Variants in TRPM2 observed in about 807,000 individuals in gnomAD.
The protein encoded by TRPM2 is transient receptor potential cation channel subfamily M member 2, also known as estrogen-responsive element-associated gene 1 protein.
TRPM2 carries 161 observed loss-of-function variants against 174.0 expected under a neutral mutation model. The ratio of observed to expected loss-of-function variants is 0.93; its 90% CI spans 0.81 to 1.05. The LOEUF is 1.05. Ranked by LOEUF, TRPM2 falls within the 50% of genes least tolerant of loss-of-function variation. The pLI, the probability that TRPM2 is intolerant of heterozygous loss-of-function variation, is 0.00. For missense variants in TRPM2, 2,057 were observed against 2,038.0 expected (o/e 1.01, Z -0.18); for synonymous variants, 954 against 861.3 (o/e 1.11, Z -1.88).
In TRPM2 at chr21:44,391,404, A is replaced by G; in HGVS notation, c.1573A>G (p.Asn525Asp). The change falls in exon 11 of 32, where the codon AAC (asparagine) becomes GAC (aspartate). Residue 525 changes from asparagine to aspartate, a missense_variant. Transcript: ENST00000397928. This position sits in a 1 kb window ranked among gnomAD's most constrained non-coding sequence, Gnocchi z 5.0. ...TWDTLLYLYENLDPSCLFHSK... is the reference protein window; with the variant it reads ...TWDTLLYLYEDLDPSCLFHSK... ...GGACACCTTGCTCTACCTGTACGAG[A>G]ACCTGGACCCCTCCTGCCTGTTCCA... 2 of 1,614,118 alleles carry G rather than the reference A, an allele frequency of 1.2e-6. No individual in the cohort carries two copies. The highest frequency in any genetic ancestry group is 8.5e-7 in the Non-Finnish European group (1 of 1,180,044).
Position 44,366,744 on chromosome 21 carries a change from T to C in TRPM2, c.424-10T>C. The C allele has an allele frequency of 2.5e-6, 4 of 1,613,832 alleles. No homozygotes were observed. The highest frequency in any genetic ancestry group is 3.4e-6 in the Non-Finnish European group (4 of 1,179,952). ...CACAGGTTCCCTCCGCCGTTTTCCC[T>C]TTCCCGCAGTACGTCCGAGTCTCCC... On this transcript the variant is annotated splice_polypyrimidine_tract_variant and intron_variant, in intron 3 of 31. Coordinates refer to ENST00000397928, the MANE Select transcript of TRPM2 (RefSeq NM_003307.4). The surrounding 1 kb of genome is among the most constrained non-coding windows in gnomAD (Gnocchi z 6.0).
In TRPM2 at chr21:44,366,233, G is replaced by T. The variant is rs1005812089; in HGVS notation, c.424-521G>T. ...CCCCAGGACGGGCCAGGGCACAGGGGCCACAGAGCAGAGGGGATAGGGCAG... is the reference window on the plus strand; with the variant it reads ...CCCCAGGACGGGCCAGGGCACAGGGTCCACAGAGCAGAGGGGATAGGGCAG... On this transcript the variant is annotated intron_variant, in intron 3 of 31. Coordinates refer to ENST00000397928, the MANE Select transcript of TRPM2 (RefSeq NM_003307.4). The surrounding 1 kb of genome is among the most constrained non-coding windows in gnomAD (Gnocchi z 6.0). Among the ~76,000 whole-genome samples the T allele has an allele frequency of 4.0e-5, 6 of 151,416 alleles. No individual in the cohort carries two copies. The highest frequency in any genetic ancestry group is 2.1e-4 in the South Asian group (1 of 4,784).
At position 44,366,434 on chromosome 21, in the gene TRPM2, C is replaced by T. The variant is rs1947280324; in HGVS notation, c.424-320C>T. On this transcript the variant is annotated intron_variant, in intron 3 of 31. Coordinates refer to ENST00000397928, the MANE Select transcript of TRPM2 (RefSeq NM_003307.4). The surrounding 1 kb of genome is among the most constrained non-coding windows in gnomAD (Gnocchi z 6.0). ...CGGCGGGAATTGGAGTCTGTGCTGGCGCATGTTTGGGAGGCGCTCCCAAAA... is the reference window on the plus strand; with the variant it reads ...CGGCGGGAATTGGAGTCTGTGCTGGTGCATGTTTGGGAGGCGCTCCCAAAA... Among the ~76,000 whole-genome samples the T allele has an allele frequency of 1.3e-5, 2 of 151,922 alleles. No individual in the cohort carries two copies. The highest frequency in any genetic ancestry group is 1.5e-5 in the Non-Finnish European group (1 of 67,982).
chr21:44,375,876 G>A lies in TRPM2; in HGVS notation c.815G>A (p.Gly272Glu). The A allele has an allele frequency of 1.2e-6, 2 of 1,614,012 alleles. No homozygotes were observed. Among genetic ancestry groups the A allele is most frequent in the Non-Finnish European group, 1.7e-6 (2 of 1,179,982 alleles). The change falls in exon 6 of 32, where the codon GGG (glycine) becomes GAG (glutamate). Residue 272 changes from glycine (G) to glutamate (E), a missense_variant. By Grantham distance (98) the Gly-to-Glu change is moderately conservative. Transcript: ENST00000397928. The part of the protein sequence containing the change: ...AEYILDEDGQ[G>E]NLTCLDSNHS... ...TACATACTGGATGAGGATGGCCAAG[G>A]GAACCTGACCTGCCTAGACAGCAAC... is the stretch of plus-strand genomic sequence containing the variant.
chr21:44,418,272 C>G (rs531479665), intron 21 of TRPM2, 151 bp from the exon 22 acceptor site: 1 of 1,353,542 alleles, frequency 7.4e-7, no homozygotes, highest in African/African-American at 1.5e-5. Context: ...GGGGGCTGAG[C>G]CCAGAGGCCC....
Position 44,357,264 on chromosome 21 carries a change from C to T in TRPM2, c.254+2528C>T, listed in dbSNP as rs532391873. On this transcript the variant is annotated intron_variant, in intron 2 of 31. Transcript: ENST00000397928. ...CCGTGGGTCTGGGGCCTCTGCCAGT[C>T]GGCTCTGCGTGCTTCTCACATGGAA... 3.9e-5 allele frequency among the ~76,000 whole-genome samples: 6 copies of T among 152,298 alleles called. No homozygotes were observed. The East Asian group carries it at 1.2e-3, about 29-fold the overall frequency.
rs1602209294 is a variant in TRPM2 at position 44,395,497 on chromosome 21, C to G, written c.1878C>G (p.Leu626=). 6.2e-7 allele frequency: 1 copy of G among 1,613,102 alleles called. No individual in the cohort carries two copies. Among genetic ancestry groups the G allele is most frequent in the Non-Finnish European group, 8.5e-7 (1 of 1,179,948 alleles). ...CCATGGACCCCATCCGTGACCTTCTCATTTGGGCCATTGTCCAGAACCGTC... is the reference window on the plus strand; with the variant it reads ...CCATGGACCCCATCCGTGACCTTCTGATTTGGGCCATTGTCCAGAACCGTC... The part of the protein sequence containing the change: ...TFTMDPIRDL[L]IWAIVQNRRE... Residue 626 remains leucine (L), a synonymous_variant, in exon 12 of 32, where the codon CTC becomes CTG. Transcript: ENST00000397928.
intron 19 of TRPM2, among the ~76,000 whole-genome samples, chr21:44,412,534 C>G (rs1231523706): frequency 6.6e-6 from 1 of 151,868 alleles, no homozygotes; most frequent in South Asian, 2.1e-4. Context: ...TTTTGTTGCT[C>G]TTTTTCAAGA....
intron 2 of TRPM2, among the ~76,000 whole-genome samples, chr21:44,359,419 G>C (rs889358312): frequency 6.6e-6 from 1 of 151,698 alleles, no homozygotes; most frequent in Admixed American, 6.6e-5. Flanking sequence ...GGATTTGTAG[G>C]GTGCACATCC....
intron 26 of TRPM2, 89 bp downstream of exon 26, chr21:44,426,825 C>T (rs2050803059): frequency 2.6e-6 from 4 of 1,532,070 alleles, no homozygotes; most frequent in Non-Finnish European, 3.6e-6. Context: ...CAGAGCCCAG[C>T]CCGGGGAGGT....
Position 44,417,951 on chromosome 21 carries a change from G to A in TRPM2, c.3171G>A (p.Glu1057=). ...MFNYTFQQVQ[E]HTDQIWKFQR... ...GCTACACCTTCCAGCAGGTGCAGGA[G>A]CACACGGACCAGATTTGGAAGTTCC... The change falls in exon 21 of 32, where the codon GAG becomes GAA. Residue 1057 remains glutamate (E), a synonymous_variant. Coordinates refer to ENST00000397928, the MANE Select transcript of TRPM2 (RefSeq NM_003307.4). 1.2e-6 allele frequency: 2 copies of A among 1,612,614 alleles called. No homozygotes were observed. Among genetic ancestry groups the A allele is most frequent in the Non-Finnish European group, 1.7e-6 (2 of 1,179,924 alleles).
In TRPM2 at chr21:44,413,885, C is replaced by T. The variant is rs187826857; in HGVS notation, c.2963-6C>T. ...TTGGCTCACCCACCCCCATTCCCAA[C>T]GCCAGGTGTGAACTTCAACCCGGAG... On this transcript the variant is annotated splice_polypyrimidine_tract_variant and splice_region_variant and intron_variant, in intron 19 of 31. Coordinates refer to ENST00000397928, the MANE Select transcript of TRPM2 (RefSeq NM_003307.4). 74 of 1,606,798 alleles carry T rather than the reference C, an allele frequency of 4.6e-5. No homozygotes were observed. Among genetic ancestry groups the T allele is most frequent in the East Asian group, 3.4e-4 (15 of 44,676 alleles).
upstream of TRPM2, among the ~76,000 whole-genome samples, chr21:44,352,421 G>A (rs903578991): frequency 2.0e-5 from 3 of 152,232 alleles, no homozygotes; most frequent in Admixed American, 6.5e-5. Flanking sequence ...ACCGAGCTTC[G>A]AGCTGCGTGG....
At chr21:44,377,864 C>T in intron 7 of TRPM2, 91 bp downstream of exon 7, 1 of 1,439,570 alleles carries the variant, frequency 6.9e-7, no homozygotes, top group Non-Finnish European at 9.6e-7. Flanking sequence ...GAACTCAAGA[C>T]TGTTGGCAAG....
intron 27 of TRPM2, among the ~76,000 whole-genome samples, chr21:44,427,825 G>A (rs2050862634): frequency 6.6e-6 from 1 of 152,214 alleles, no homozygotes; most frequent in Non-Finnish European, 1.5e-5. Flanking sequence ...TAAGGAGGTG[G>A]TAGGAGGCGA....
intron 11 of TRPM2, among the ~76,000 whole-genome samples, chr21:44,395,113 G>A (rs556284956): frequency 1.3e-5 from 2 of 152,328 alleles, no homozygotes; most frequent in South Asian, 4.1e-4. Flanking sequence ...CAGCTTTGAT[G>A]CCATCAGATA....
In TRPM2 at chr21:44,410,530, C is replaced by T. The variant is rs1257320956; in HGVS notation, c.2963-3361C>T. Among the ~76,000 whole-genome samples the T allele has an allele frequency of 3.5e-4, 19 of 53,606 alleles. 1 individual carries two copies. The highest frequency in any genetic ancestry group is 1.6e-3 in the East Asian group (2 of 1,258). The allele number at this position is 53,606 out of a possible 152,430, so 35.2% of individuals were successfully genotyped here. On this transcript the variant is annotated intron_variant, in intron 19 of 31. Coordinates refer to ENST00000397928, the MANE Select transcript of TRPM2 (RefSeq NM_003307.4). The stretch of plus-strand genomic sequence containing the variant: ...GCGTAGACTTGTAGTAAGTTTTGAC[C>T]GCACTGTCTTGGCGTAGCCTTGTAG...
intron 19 of TRPM2, 148 bp from the exon 20 acceptor site, chr21:44,413,743 G>C: frequency 4.4e-6 from 4 of 914,962 alleles, no homozygotes; most frequent in Non-Finnish European, 6.7e-6. Flanking sequence ...TTCTGGCCCA[G>C]AGGTGACAGC....
chr21:44,426,266 C>G (rs1478897332), intron 25 of TRPM2, among the ~76,000 whole-genome samples: 1 of 152,190 alleles, frequency 6.6e-6, no homozygotes, highest in Non-Finnish European at 1.5e-5. Context: ...GACCCCCGCC[C>G]TCCTGGTGCA....
Sources: allele counts gnomAD v4.1 joint callset (sites outside exome capture counted in the v4.1 genomes callset), GRCh38; gene constraint gnomAD v4.1.1; non-coding constraint Gnocchi (gnomAD v3.1); transcripts MANE v1.5; gene names NCBI Gene and HGNC (gene_info 2026-07-23, HGNC 2026-07-21).